ROR2: variants seen among roughly 807,000 people sequenced by gnomAD.
ROR2 encodes the protein tyrosine-protein kinase transmembrane receptor ROR2.
Under a neutral mutation model 74.9 loss-of-function variants are expected in ROR2, and 33 were observed. That is an observed-to-expected ratio of 0.44 (90% confidence interval 0.33 to 0.59). The LOEUF is 0.59. Ranked by LOEUF, ROR2 falls within the 20% of genes least tolerant of loss-of-function variation. ROR2 has a pLI of 0.02. For missense variants in ROR2, 1,216 were observed against 1,313.8 expected (o/e 0.93, Z 1.15); for synonymous variants, 586 against 558.7 (o/e 1.05, Z -0.69).
At chr9:91,880,891 C>T (rs1288265023) in intron 1 of ROR2, among the ~76,000 whole-genome samples, 1 of 152,222 alleles carries the variant, frequency 6.6e-6, no homozygotes, top group African/African-American at 2.4e-5. Flanking sequence ...AGGGACATTA[C>T]TGGGACTGCT....
At chr9:91,864,258 T>C (rs970982814) in intron 1 of ROR2, among the ~76,000 whole-genome samples, 1 of 152,186 alleles carries the variant, frequency 6.6e-6, no homozygotes, top group Non-Finnish European at 1.5e-5. Context: ...GGGAAAGAGA[T>C]CCACCTGTTT....
intron 1 of ROR2, among the ~76,000 whole-genome samples, chr9:91,885,677 G>A (rs906823522): frequency 6.6e-6 from 1 of 152,110 alleles, no homozygotes; most frequent in African/African-American, 2.4e-5. Flanking sequence ...CCTGCCCCAA[G>A]GTTCTGATTT....
chr9:91,838,246 A>G (rs7874163), intron 1 of ROR2, among the ~76,000 whole-genome samples: 26,299 of 152,150 alleles, frequency 0.17, 3,756 homozygotes, highest in African/African-American at 0.39. Flanking sequence ...AGCTTATAAA[A>G]GCAAATTAAA....
intron 1 of ROR2, among the ~76,000 whole-genome samples, chr9:91,850,374 G>A (rs1394222306): frequency 6.6e-6 from 1 of 152,110 alleles, no homozygotes; most frequent in African/African-American, 2.4e-5. Flanking sequence ...GGGACTTTGT[G>A]GGTGTGATTA....
intron 1 of ROR2, among the ~76,000 whole-genome samples, chr9:91,947,133 TGCAGA>T (rs1223139541): frequency 6.6e-6 from 1 of 152,232 alleles, no homozygotes; most frequent in African/African-American, 2.4e-5. Context: ...CTTAAAAATC[TGCAGA>T]GCAGTCACCA....
intron 1 of ROR2, among the ~76,000 whole-genome samples, chr9:91,926,039 T>C (rs1332482800): frequency 1.4e-5 from 2 of 144,518 alleles, no homozygotes; most frequent in African/African-American, 2.6e-5. Flanking sequence ...AGGTCAAGAG[T>C]TCAAGACCAG....
At chr9:91,931,704 T>C (rs905045349) in intron 1 of ROR2, among the ~76,000 whole-genome samples, 2 of 152,128 alleles carry the variant, frequency 1.3e-5, no homozygotes, top group African/African-American at 4.8e-5. Context: ...AATAACTCCC[T>C]ACAAGTATTA....
At position 91,905,003 on chromosome 9, in the gene ROR2, C is replaced by T. The variant is rs186816368; in HGVS notation, c.97+44864G>A. On this transcript the variant is annotated intron_variant, in intron 1 of 8. Transcript: ENST00000375708. This position sits in a 1 kb window ranked among gnomAD's most constrained non-coding sequence, Gnocchi z 5.3. ...CAACATACAATACACACAACACATA[C>T]CACACAACATATACCACACACAAAA... 7.3e-5 allele frequency among the ~76,000 whole-genome samples: 11 copies of T among 151,652 alleles called. No homozygotes were observed. The highest frequency in any genetic ancestry group is 4.4e-5 in the Non-Finnish European group (3 of 67,896).
At chr9:91,812,736 AG>A (rs1343016250) in intron 1 of ROR2, among the ~76,000 whole-genome samples, 1 of 152,124 alleles carries the variant, frequency 6.6e-6, no homozygotes, top group African/African-American at 2.4e-5. Flanking sequence ...AAAGAAAAAT[AG>A]TTAATTTTAC....
chr9:91,889,364 C>T (rs886887617), intron 1 of ROR2, among the ~76,000 whole-genome samples: 28 of 152,208 alleles, frequency 1.8e-4, no homozygotes, highest in African/African-American at 6.3e-4. Context: ...GTGAAGGTGC[C>T]TGTCTCAAAT....
At chr9:91,827,780 T>C (rs1828340621) in intron 1 of ROR2, among the ~76,000 whole-genome samples, 1 of 152,272 alleles carries the variant, frequency 6.6e-6, no homozygotes, top group Admixed American at 6.5e-5. Context: ...GTAGGCTTAA[T>C]TTCTAGTTCT....
chr9:91,911,009 GAAC>G (rs1312534239), intron 1 of ROR2, among the ~76,000 whole-genome samples: 1 of 152,146 alleles, frequency 6.6e-6, no homozygotes, highest in Admixed American at 6.5e-5. Context: ...AAACAACTTA[GAAC>G]AATAGAAAAT....
chr9:91,882,791 G>A (rs1240248219), intron 1 of ROR2, among the ~76,000 whole-genome samples: 1 of 152,116 alleles, frequency 6.6e-6, no homozygotes, highest in Non-Finnish European at 1.5e-5. Context: ...AGGTGCCCAC[G>A]TGAAAACAGA....
At chr9:91,762,194 C>T (rs1318631696) in intron 2 of ROR2, among the ~76,000 whole-genome samples, 4 of 152,300 alleles carry the variant, frequency 2.6e-5, no homozygotes, top group Middle Eastern at 3.4e-3. Context: ...CTTCCAGCCC[C>T]GGTTTCCTAA....
At chr9:91,842,644 G>A (rs780407718) in intron 1 of ROR2, among the ~76,000 whole-genome samples, 1 of 152,234 alleles carries the variant, frequency 6.6e-6, no homozygotes, top group Non-Finnish European at 1.5e-5. Context: ...AAATGGGCTG[G>A]GTTTGCCCAG....
intron 1 of ROR2, chr9:91,948,497 G>A (rs1436057815): frequency 1.1e-6 from 1 of 880,612 alleles, no homozygotes; most frequent in Non-Finnish European, 1.4e-6. Flanking sequence ...TGAGATAAAC[G>A]CAAGCTCCCT....
chr9:91,753,622 C>T (rs181769825), intron 4 of ROR2, among the ~76,000 whole-genome samples: 2 of 152,232 alleles, frequency 1.3e-5, no homozygotes, highest in Admixed American at 1.3e-4. Flanking sequence ...AAGGGAGACG[C>T]GGTGGCACGA....
At chr9:91,870,655 T>C (rs1186759707) in intron 1 of ROR2, among the ~76,000 whole-genome samples, 1 of 152,156 alleles carries the variant, frequency 6.6e-6, no homozygotes, top group African/African-American at 2.4e-5. Context: ...ATTTTTAACA[T>C]CAAATAAAGT....
intron 1 of ROR2, among the ~76,000 whole-genome samples, chr9:91,901,449 A>G (rs1037363945): frequency 5.3e-5 from 8 of 152,186 alleles, no homozygotes; most frequent in Admixed American, 5.2e-4. Context: ...TTGTTTTCCA[A>G]CAGGAGAAAA....
Sources: gnomAD v4.1 joint callset for allele counts (sites outside exome capture counted in the v4.1 genomes callset) on GRCh38, gnomAD v4.1.1 for gene constraint, Gnocchi (gnomAD v3.1) non-coding constraint, MANE v1.5 for transcripts, NCBI Gene and HGNC (gene_info 2026-07-23, HGNC 2026-07-21) for gene names.